GDAP1: variants seen among roughly 807,000 people sequenced by gnomAD.
The protein encoded by GDAP1 is ganglioside induced differentiation associated protein 1, also known as ganglioside-induced differentiation-associated protein 1.
GDAP1 carries 34 observed loss-of-function variants against 40.1 expected under a neutral mutation model. The ratio of observed to expected loss-of-function variants is 0.85; its 90% CI spans 0.64 to 1.13. GDAP1 has a LOEUF of 1.13. Ranked by LOEUF, GDAP1 falls within the 50% of genes most tolerant of loss-of-function variation. The pLI is 0.00. For synonymous variants in GDAP1, 170 were observed against 157.4 expected (o/e 1.08, Z -0.60); for missense variants, 374 against 433.7 (o/e 0.86, Z 1.22).
At chr8:74,366,896 T>C (rs1444493594), downstream of GDAP1, 1 of 393,478 alleles carries the variant, frequency 2.5e-6, no homozygotes, top group African/African-American at 2.1e-5. Context: ...TTGTAATCTT[T>C]TTTGGAAAAC....
At chr8:74,358,723 A>T (rs956212604) in intron 2 of GDAP1, among the ~76,000 whole-genome samples, 22 of 152,178 alleles carry the variant, frequency 1.4e-4, no homozygotes, top group Non-Finnish European at 3.2e-4. Context: ...TTTTAGGAAA[A>T]CCCAGGGATC....
chr8:74,395,870 A>C (rs541111528), intron 2 of GDAP1, among the ~76,000 whole-genome samples: 1 of 152,362 alleles, frequency 6.6e-6, no homozygotes, highest in South Asian at 2.1e-4. Flanking sequence ...AAGATGGAAA[A>C]ATGGGTTAAA....
intron 2 of GDAP1, among the ~76,000 whole-genome samples, chr8:74,377,056 T>C (rs1809866629): frequency 6.6e-6 from 1 of 152,188 alleles, no homozygotes; most frequent in African/African-American, 2.4e-5. Flanking sequence ...AGAAAATTAC[T>C]TTGATATCTG....
chr8:74,403,082 C>A (rs1328533533), intron 2 of GDAP1, among the ~76,000 whole-genome samples: 1 of 149,936 alleles, frequency 6.7e-6, no homozygotes, highest in African/African-American at 2.5e-5. Flanking sequence ...GATAATAGTG[C>A]CCAAACAATC....
intron 2 of GDAP1, among the ~76,000 whole-genome samples, chr8:74,357,761 T>G (rs984117413): frequency 1.3e-5 from 2 of 152,166 alleles, no homozygotes; most frequent in African/African-American, 4.8e-5. Context: ...AACTCCCTAA[T>G]TCTCTGTCCT....
intron 3 of GDAP1, among the ~76,000 whole-genome samples, chr8:74,361,605 C>T (rs1809367598): frequency 1.3e-5 from 2 of 152,096 alleles, no homozygotes; most frequent in African/African-American, 2.4e-5. Context: ...CCACGTTGGC[C>T]AAGATGGTCT....
At chr8:74,464,685 C>T (rs891793037) in intron 2 of GDAP1, among the ~76,000 whole-genome samples, 4 of 152,096 alleles carry the variant, frequency 2.6e-5, no homozygotes, top group Middle Eastern at 3.2e-3. Context: ...TGAGTTGGGC[C>T]TGGATGTGAT....
At chr8:74,465,811 T>TA (rs1806462815) in intron 2 of GDAP1, among the ~76,000 whole-genome samples, 1 of 151,876 alleles carries the variant, frequency 6.6e-6, no homozygotes, top group African/African-American at 2.4e-5. Context: ...TAGGGCCACT[T>TA]AATCTGGAAT....
chr8:74,410,932 C>T (rs530068340), intron 2 of GDAP1, among the ~76,000 whole-genome samples: 3 of 150,200 alleles, frequency 2.0e-5, no homozygotes, highest in Non-Finnish European at 4.4e-5. Context: ...AAATTGTAAT[C>T]CCCATGTGTC....
intron 2 of GDAP1, among the ~76,000 whole-genome samples, chr8:74,478,934 G>T (rs1806671136): frequency 6.6e-6 from 1 of 152,126 alleles, no homozygotes; most frequent in South Asian, 2.1e-4. Context: ...CCTTGTACAG[G>T]GTTCCCAGCT....
At chr8:74,487,010 T>C (rs1440646819) in intron 2 of GDAP1, among the ~76,000 whole-genome samples, 2 of 152,100 alleles carry the variant, frequency 1.3e-5, no homozygotes, top group Non-Finnish European at 2.9e-5. Flanking sequence ...TTACTTCTCC[T>C]CTCCAAGCCT....
At chr8:74,434,691 G>A (rs1332390088) in intron 2 of GDAP1, among the ~76,000 whole-genome samples, 1 of 152,170 alleles carries the variant, frequency 6.6e-6, no homozygotes, top group East Asian at 1.9e-4. Flanking sequence ...CGTCCCAAGA[G>A]TAATCATAAT....
downstream of GDAP1, among the ~76,000 whole-genome samples, chr8:74,370,064 CA>C (rs1809721695): frequency 6.6e-6 from 1 of 152,006 alleles, no homozygotes; most frequent in Admixed American, 6.6e-5. Flanking sequence ...CCTGCAAAAC[CA>C]AAAACTGCTA....
At chr8:74,478,623 T>G (rs1806666690) in intron 2 of GDAP1, among the ~76,000 whole-genome samples, 1 of 152,068 alleles carries the variant, frequency 6.6e-6, no homozygotes, top group Non-Finnish European at 1.5e-5. Context: ...AGATCTAACT[T>G]TTCCCCTAAG....
chr8:74,424,168 T>C (rs1207422108), intron 2 of GDAP1, among the ~76,000 whole-genome samples: 1 of 152,164 alleles, frequency 6.6e-6, no homozygotes, highest in Non-Finnish European at 1.5e-5. Flanking sequence ...ATTTCTAGTT[T>C]ATTTATAATA....
intron 2 of GDAP1, among the ~76,000 whole-genome samples, chr8:74,421,972 T>C (rs1805862439): frequency 6.6e-6 from 1 of 152,180 alleles, no homozygotes; most frequent in Non-Finnish European, 1.5e-5. Flanking sequence ...GGTCTTTGTA[T>C]CTGCGAAGTT....
intron 2 of GDAP1, among the ~76,000 whole-genome samples, chr8:74,432,860 G>A (rs1806044633): frequency 6.6e-6 from 1 of 152,114 alleles, no homozygotes; most frequent in Non-Finnish European, 1.5e-5. Context: ...TAAAAACTGT[G>A]ATATTAAATT....
intron 2 of GDAP1, among the ~76,000 whole-genome samples, chr8:74,432,491 A>G (rs1806040037): frequency 6.6e-6 from 1 of 152,110 alleles, no homozygotes; most frequent in Non-Finnish European, 1.5e-5. Context: ...TCAGTTTGGT[A>G]TTTGGTTTTG....
At chr8:74,417,757 C>CAAAAAA (rs71269993) in intron 2 of GDAP1, among the ~76,000 whole-genome samples, 5 of 75,884 alleles carry the variant, frequency 6.6e-5, no homozygotes, top group Admixed American at 1.6e-4. Context: ...AACTCCATCT[C>CAAAAAA]AAAAAAAAAA....
Sources: allele counts gnomAD v4.1 joint callset (sites outside exome capture counted in the v4.1 genomes callset), GRCh38; gene constraint gnomAD v4.1.1; transcripts MANE v1.5; gene names NCBI Gene and HGNC (gene_info 2026-07-23, HGNC 2026-07-21).